Variants in ATP1A3 observed in about 807,000 individuals in gnomAD.
ATP1A3 encodes sodium/potassium-transporting ATPase subunit alpha-3.
Under a neutral mutation model 108.8 loss-of-function variants are expected in ATP1A3, and 12 were observed. The observed-to-expected ratio is 0.11, with a 90% CI of 0.07 to 0.18. The LOEUF (loss-of-function observed/expected upper bound fraction) is 0.18. Ranked by LOEUF, ATP1A3 falls within the 10% of genes least tolerant of loss-of-function variation. ATP1A3 has a pLI of 1.00. For missense variants in ATP1A3, 498 were observed against 1,387.7 expected (o/e 0.36, Z 10.19); for synonymous variants, 539 against 564.5 (o/e 0.95, Z 0.64).
At chr19:41,991,404 G>T (rs1171461423) in intron 1 of ATP1A3, among the ~76,000 whole-genome samples, 1 of 152,208 alleles carries the variant, frequency 6.6e-6, no homozygotes, top group Non-Finnish European at 1.5e-5. Flanking sequence ...CAGCAGCACT[G>T]CGTCTCAGAT....
At position 41,981,835 on chromosome 19, in the gene ATP1A3, G is replaced by A. The variant is rs200111818; in HGVS notation, c.1193-4C>T. The A allele has an allele frequency of 6.2e-7, 1 of 1,614,230 alleles. No individual in the cohort carries two copies. The highest frequency in any genetic ancestry group is 1.3e-5 in the African/African-American group (1 of 75,054). Reference sequence around the variant, plus strand: ...GAACTCTTGTCAAATGAGGTCCCTGGGGGAGGCATGTGTGAGGGCCAGGGA... The same window carrying A: ...GAACTCTTGTCAAATGAGGTCCCTGAGGGAGGCATGTGTGAGGGCCAGGGA... On this transcript the variant is annotated splice_polypyrimidine_tract_variant and splice_region_variant and intron_variant, in intron 9 of 22. Transcript: ENST00000648268. The surrounding 1 kb of genome is among the most constrained non-coding windows in gnomAD (Gnocchi z 5.0).
intron 14 of ATP1A3, 85 bp from the exon 15 acceptor site, chr19:41,976,651 G>C: frequency 1.9e-6 from 3 of 1,583,282 alleles, no homozygotes; most frequent in Non-Finnish European, 2.6e-6. Context: ...GAAACAGAGG[G>C]GCCAGCCCCA....
At chr19:41,991,942 G>A (rs1555867565) in intron 1 of ATP1A3, among the ~76,000 whole-genome samples, 1 of 143,172 alleles carries the variant, frequency 7.0e-6, no homozygotes, top group African/African-American at 2.9e-5. Context: ...GGGAGGAGGG[G>A]CTGGGGCCTG....
At position 41,981,387 on chromosome 19, in the gene ATP1A3, C is replaced by G; in HGVS notation, c.1437+115G>C. On this transcript the variant is annotated intron_variant, in intron 11 of 22. Coordinates refer to ENST00000648268, the MANE Select transcript of ATP1A3 (RefSeq NM_152296.5). The surrounding 1 kb of genome is among the most constrained non-coding windows in gnomAD (Gnocchi z 5.0). ...TCTCCCTGTTCCTCTCCCCACCAGG[C>G]GGGTATTATCATTCCCATTTTACAG... 1.3e-6 allele frequency: 2 copies of G among 1,488,648 alleles called. No individual in the cohort carries two copies. Among genetic ancestry groups the G allele is most frequent in the Non-Finnish European group, 1.9e-6 (2 of 1,072,158 alleles). The allele number at this position is 1,488,648 out of a possible 1,614,324, so 92.2% of individuals were successfully genotyped here.
At position 41,986,200 on chromosome 19, in the gene ATP1A3, C is replaced by T; in HGVS notation, c.387G>A (p.Val129=). Residue 129 remains valine (V), a synonymous_variant, in exon 5 of 23, where the codon GTG becomes GTA. Coordinates refer to ENST00000648268, the MANE Select transcript of ATP1A3 (RefSeq NM_152296.5). ...NLYLGIVLAA[V]VIITGCFSYY... Reference sequence around the variant, plus strand: ...AGGAGAAGCAGCCAGTGATGATCACCACGGCCGCCAGCACGATGCCCAGGT... The same window carrying T: ...AGGAGAAGCAGCCAGTGATGATCACTACGGCCGCCAGCACGATGCCCAGGT... 1 of 1,614,036 alleles carries T rather than the reference C, an allele frequency of 6.2e-7. No homozygotes were observed.
At chr19:41,977,812 G>T in intron 14 of ATP1A3, 124 bp downstream of exon 14, 1 of 1,421,650 alleles carries the variant, frequency 7.0e-7, no homozygotes, top group Non-Finnish European at 9.5e-7. Flanking sequence ...CCCAGGGCCT[G>T]GTCCATGGAG....
chr19:41,967,310 G>A lies in ATP1A3; in HGVS notation c.2952C>T (p.Tyr984=). The A allele has an allele frequency of 1.9e-6, 3 of 1,611,692 alleles. No individual in the cohort carries two copies. Among genetic ancestry groups the A allele is most frequent in the South Asian group, 1.1e-5 (1 of 91,080 alleles). Residue 984 remains tyrosine, a synonymous_variant, in exon 22 of 23, where the codon TAC becomes TAT. Coordinates refer to ENST00000648268, the MANE Select transcript of ATP1A3 (RefSeq NM_152296.5). The surrounding 1 kb of genome is among the most constrained non-coding windows in gnomAD (Gnocchi z 4.2). ...CGTCGTAGACGAAGATGAGGAAACT[G>A]TAGGGGAAGGCACAGAACCACCAGC... The part of the protein sequence containing the change: ...KPSWWFCAFP[Y]SFLIFVYDEI...
chr19:41,985,732 G>T lies in ATP1A3; in HGVS notation c.606+132C>A. On this transcript the variant is annotated intron_variant, in intron 6 of 22. Transcript: ENST00000648268. This position sits in a 1 kb window ranked among gnomAD's most constrained non-coding sequence, Gnocchi z 8.2. The stretch of plus-strand genomic sequence containing the variant: ...CCTGGGTCTGAGGGAGGAGGGCCTG[G>T]GGGCCTGGACTCCTGGGTCTGAGGG... 1 of 1,376,430 alleles carries T rather than the reference G, an allele frequency of 7.3e-7. No individual in the cohort carries two copies. Among genetic ancestry groups the T allele is most frequent in the Non-Finnish European group, 9.8e-7 (1 of 1,019,414 alleles). 85.3% of individuals were successfully genotyped at this position (1,376,430 alleles called of 1,614,324 possible). A position where few individuals can be genotyped will look rare whatever the true frequency, so the allele number is the denominator to read the frequency against.
At position 41,970,083 on chromosome 19, in the gene ATP1A3, C is replaced by T. The variant is rs191738974; in HGVS notation, c.2542+102G>A. The T allele has an allele frequency of 4.4e-5, 71 of 1,597,284 alleles. No individual in the cohort carries two copies. In the East Asian group the frequency reaches 8.9e-4, roughly 20 times the overall value. On this transcript the variant is annotated intron_variant, in intron 18 of 22. Coordinates refer to ENST00000648268, the MANE Select transcript of ATP1A3 (RefSeq NM_152296.5). The stretch of plus-strand genomic sequence containing the variant: ...CACTGGTTGGTCCTGCCCACGTCTG[C>T]TCCCCTGAGTCAATGCCAGGGTCCC...
In ATP1A3 at chr19:41,985,498, G is replaced by T; in HGVS notation, c.607-75C>A. The T allele has an allele frequency of 7.1e-7, 1 of 1,408,700 alleles. No individual in the cohort carries two copies. Among genetic ancestry groups the T allele is most frequent in the Non-Finnish European group, 1.0e-6 (1 of 994,966 alleles). 87.3% of individuals were successfully genotyped at this position (1,408,700 alleles called of 1,614,324 possible). ...GAGGGTATTTGTGTACAGGGCTTGG[G>T]GCTGAAGCCTGTGTGCCTGGAGATC... On this transcript the variant is annotated intron_variant, in intron 6 of 22. Coordinates refer to ENST00000648268, the MANE Select transcript of ATP1A3 (RefSeq NM_152296.5). The surrounding 1 kb of genome is among the most constrained non-coding windows in gnomAD (Gnocchi z 8.2).
chr19:41,991,718 TGAGA>T (rs2075340236), intron 1 of ATP1A3, among the ~76,000 whole-genome samples: 1 of 151,852 alleles, frequency 6.6e-6, no homozygotes, highest in South Asian at 2.1e-4. Context: ...TCTCAGATAC[TGAGA>T]GAGGCTGGGG....
chr19:41,982,659 A>G lies in ATP1A3; in HGVS notation c.994-553T>C, dbSNP rs1333995240. On this transcript the variant is annotated intron_variant, in intron 8 of 22. Coordinates refer to ENST00000648268, the MANE Select transcript of ATP1A3 (RefSeq NM_152296.5). Reference sequence around the variant, plus strand: ...AAAAAATTGTCCAAAACTGCAAACTACTCAAATGTCCACTAACAGCAGAAA... The same window carrying G: ...AAAAAATTGTCCAAAACTGCAAACTGCTCAAATGTCCACTAACAGCAGAAA... Among the ~76,000 whole-genome samples, 26 of 152,018 alleles carry G rather than the reference A, an allele frequency of 1.7e-4. 1 individual carries two copies. The highest frequency in any genetic ancestry group is 4.4e-5 in the Non-Finnish European group (3 of 68,006).
chr19:41,974,056 C>A (rs569297325), intron 16 of ATP1A3, among the ~76,000 whole-genome samples: 4 of 152,310 alleles, frequency 2.6e-5, no homozygotes, highest in Admixed American at 2.0e-4. Context: ...CATGGTGAAA[C>A]CCCATCTCTA....
chr19:41,975,569 T>C, intron 16 of ATP1A3, 60 bp downstream of exon 16: 1 of 1,607,214 alleles, frequency 6.2e-7, no homozygotes, highest in Non-Finnish European at 8.5e-7. Context: ...CAGTTCCCCT[T>C]GCTGGTCTCA....
At position 41,983,747 on chromosome 19, in the gene ATP1A3, G is replaced by A. The variant is rs572972340; in HGVS notation, c.993+1171C>T. Among the ~76,000 whole-genome samples, 151 of 146,054 alleles carry A rather than the reference G, an allele frequency of 1.0e-3. 1 individual carries two copies. The highest frequency in any genetic ancestry group is 1.7e-3 in the Non-Finnish European group (116 of 66,618). On this transcript the variant is annotated intron_variant, in intron 8 of 22. Coordinates refer to ENST00000648268, the MANE Select transcript of ATP1A3 (RefSeq NM_152296.5). ...TGGAACTACAGACATGTACCACCAC[G>A]CCTGGCTAATTTAAAAAAATTTTTT...
In ATP1A3 at chr19:41,981,604, G is replaced by T. The variant is rs141883973; in HGVS notation, c.1335C>A (p.Ala445=). ...AGGACAGCTCGATGCACTTGAGCAGGGCAGACTCAGACGCATCCCCAGCCA... is the reference window on the plus strand; with the variant it reads ...AGGACAGCTCGATGCACTTGAGCAGTGCAGACTCAGACGCATCCCCAGCCA... ...RDVAGDASES[A]LLKCIELSSG... is the part of the protein sequence containing the mutation. Residue 445 remains alanine (A), a synonymous_variant, in exon 11 of 23, where the codon GCC becomes GCA. Coordinates refer to ENST00000648268, the MANE Select transcript of ATP1A3 (RefSeq NM_152296.5). The surrounding 1 kb of genome is among the most constrained non-coding windows in gnomAD (Gnocchi z 5.0). 1 of 1,614,168 alleles carries T rather than the reference G, an allele frequency of 6.2e-7. No homozygotes were observed. The highest frequency in any genetic ancestry group is 2.2e-5 in the East Asian group (1 of 44,884).
intron 16 of ATP1A3, among the ~76,000 whole-genome samples, chr19:41,974,368 C>G (rs1352853906): frequency 6.6e-6 from 1 of 151,986 alleles, no homozygotes; most frequent in Non-Finnish European, 1.5e-5. Flanking sequence ...GATTAAGTCC[C>G]GGAGGTGGAG....
Position 41,978,791 on chromosome 19 carries a change from A to G in ATP1A3, c.1445T>C (p.Ile482Thr). ...GTCGTTGGGGTCCTCGGTCTCATGG[A>G]TGGAGAGCTGGGGACCGATCAGAGG... ...FNSTNKYQLS[I>T]HETEDPNDNR... Residue 482 changes from isoleucine (I) to threonine (T), a missense_variant, in exon 12 of 23, where the codon ATC becomes ACC. Around this residue, in one of 9 missense-constraint regions of ATP1A3, gnomAD observed 92 missense variants for 168.7 expected, o/e 0.55. Transcript: ENST00000648268. The surrounding 1 kb of genome is among the most constrained non-coding windows in gnomAD (Gnocchi z 8.3). The G allele has an allele frequency of 6.2e-7, 1 of 1,613,768 alleles. No individual in the cohort carries two copies.
At chr19:41,991,439 CG>C (rs2075337672) in intron 1 of ATP1A3, among the ~76,000 whole-genome samples, 1 of 152,136 alleles carries the variant, frequency 6.6e-6, no homozygotes, top group African/African-American at 2.4e-5. Flanking sequence ...GCTTGGGGGA[CG>C]GGGAGACCAT....
Sources: gnomAD v4.1 joint callset for allele counts (sites outside exome capture counted in the v4.1 genomes callset) on GRCh38, gnomAD v4.1.1 for gene constraint, gnomAD v4.1.1 regional missense constraint, Gnocchi (gnomAD v3.1) non-coding constraint, MANE v1.5 for transcripts, NCBI Gene and HGNC (gene_info 2026-07-23, HGNC 2026-07-21) for gene names.